Variants in MTA1 observed in about 807,000 individuals in gnomAD.
MTA1 encodes the protein metastasis associated 1, also known as metastasis-associated protein MTA1.
A neutral mutation model predicts 97.0 loss-of-function variants in MTA1; 15 were observed. The observed-to-expected ratio is 0.15, with a 90% CI of 0.10 to 0.24. The LOEUF (loss-of-function observed/expected upper bound fraction) is 0.24, where lower values mean the gene tolerates loss of function less well. Among genes scored for constraint, MTA1 ranks in the 10% least tolerant of loss-of-function variants. The pLI is 1.00. For synonymous variants in MTA1, 435 were observed against 417.5 expected (o/e 1.04, Z -0.51); for missense variants, 709 against 1,015.1 (o/e 0.70, Z 4.10).
At position 105,463,845 on chromosome 14, in the gene MTA1, A is replaced by C. The variant is rs911120636; in HGVS notation, c.1077-187A>C. On this transcript the variant is annotated intron_variant, in intron 12 of 20. Coordinates refer to ENST00000331320, the MANE Select transcript of MTA1 (RefSeq NM_004689.4). This position sits in a 1 kb window ranked among gnomAD's most constrained non-coding sequence, Gnocchi z 5.9. ...CTAGGGGGAGCACGGGGGCCTGGAG[A>C]ACGGCTCAGACCTCAGCAGTGGCTC... 34 of 666,506 alleles carry C rather than the reference A, an allele frequency of 5.1e-5. No homozygotes were observed. The Admixed American group carries it at 6.5e-4, about 13-fold the overall frequency. The allele number at this position is 666,506 out of a possible 1,614,324, so 41.3% of individuals were successfully genotyped here.
At chr14:105,427,961 T>A (rs184681428) in intron 1 of MTA1, among the ~76,000 whole-genome samples, 26 of 138,394 alleles carry the variant, frequency 1.9e-4, no homozygotes, top group African/African-American at 7.2e-4. Flanking sequence ...GAGGTTGCAG[T>A]GAGTGGAGAT....
chr14:105,462,001 G>A (rs2083365932), intron 10 of MTA1, among the ~76,000 whole-genome samples: 1 of 152,252 alleles, frequency 6.6e-6, no homozygotes, highest in Admixed American at 6.5e-5. Context: ...GGAATTTGAG[G>A]GAGACCCTGC....
Position 105,445,439 on chromosome 14 carries a change from G to T in MTA1, c.118G>T (p.Ala40Ser). 6.2e-7 allele frequency: 1 copy of T among 1,613,836 alleles called. No individual in the cohort carries two copies. Among genetic ancestry groups the T allele is most frequent in the Non-Finnish European group, 8.5e-7 (1 of 1,179,976 alleles). Residue 40 changes from alanine (A) to serine (S), a missense_variant, in exon 3 of 21, where the codon GCC (alanine) becomes TCC (serine). Transcript: ENST00000331320. The stretch of plus-strand genomic sequence containing the variant: ...ACAGACGGCCAATGGGAACGTGGAG[G>T]CCAAAGTGGTGTGCTTCTACCGGAG... ...LNKTANGNVE[A>S]KVVCFYRRRD...
At chr14:105,461,345 T>C (rs782760365) in intron 10 of MTA1, among the ~76,000 whole-genome samples, 2 of 152,236 alleles carry the variant, frequency 1.3e-5, no homozygotes, top group African/African-American at 4.8e-5. Flanking sequence ...TGACTCCTCA[T>C]GTCCTTGTTT....
intron 1 of MTA1, among the ~76,000 whole-genome samples, chr14:105,438,375 C>G (rs1478535495): frequency 6.6e-6 from 1 of 152,196 alleles, no homozygotes; most frequent in African/African-American, 2.4e-5. Flanking sequence ...GGCCTGAGCC[C>G]TTGGGGGCAG....
intron 3 of MTA1, among the ~76,000 whole-genome samples, chr14:105,447,487 G>A (rs1567022010): frequency 6.6e-6 from 1 of 152,198 alleles, no homozygotes; most frequent in African/African-American, 2.4e-5. Context: ...GCCTTTTGCT[G>A]GAAGAGCCCC....
rs998563605 is a variant in MTA1 at position 105,424,287 on chromosome 14, G to A, written c.28+4224G>A. ...TGGGCTCACTGCAAGTCCGCCTCCC[G>A]GGTTCACACCATTCTCCTGCCTCAG... On this transcript the variant is annotated intron_variant, in intron 1 of 20. Transcript: ENST00000331320. This position sits in a 1 kb window ranked among gnomAD's most constrained non-coding sequence, Gnocchi z 4.0. Among the ~76,000 whole-genome samples, 2 of 152,068 alleles carry A rather than the reference G, an allele frequency of 1.3e-5. No individual in the cohort carries two copies. Among genetic ancestry groups the A allele is most frequent in the African/African-American group, 4.8e-5 (2 of 41,462 alleles).
intron 1 of MTA1, among the ~76,000 whole-genome samples, chr14:105,426,776 C>T (rs373276365): frequency 3.7e-4 from 57 of 152,322 alleles, no homozygotes; most frequent in Non-Finnish European, 7.4e-4. Flanking sequence ...ATGGGCCGGG[C>T]GCGAGGCTTG....
chr14:105,433,182 G>A (rs141621283), intron 1 of MTA1, among the ~76,000 whole-genome samples: 6 of 152,290 alleles, frequency 3.9e-5, no homozygotes, highest in Admixed American at 1.3e-4. Flanking sequence ...GGCTTCCGGC[G>A]TCTCTCCCAG....
intron 8 of MTA1, among the ~76,000 whole-genome samples, chr14:105,458,829 G>A (rs587736799): frequency 6.6e-6 from 1 of 152,350 alleles, no homozygotes; most frequent in Non-Finnish European, 1.5e-5. Context: ...GCCCCAAGGC[G>A]GCTGCCAATC....
rs745536716 is a variant in MTA1 at position 105,466,137 on chromosome 14, T to C, written c.1625-289T>C. ...TGCTCACGGGCCTGTGTATGGATCC[T>C]GTTGTCCCGGGGCTGAGGGGCCTGG... On this transcript the variant is annotated intron_variant, in intron 16 of 20. Coordinates refer to ENST00000331320, the MANE Select transcript of MTA1 (RefSeq NM_004689.4). 3.2e-3 allele frequency: 1,622 copies of C among 499,156 alleles called. 6 individuals carry two copies. The highest frequency in any genetic ancestry group is 4.4e-3 in the Non-Finnish European group (1,227 of 276,106). The allele number at this position is 499,156 out of a possible 1,614,324, so 30.9% of individuals were successfully genotyped here. A position where few individuals can be genotyped will look rare whatever the true frequency, so the allele number is the denominator to read the frequency against.
chr14:105,451,318 A>G lies in MTA1; in HGVS notation c.432+994A>G, dbSNP rs587769355. ...CAGGCGTGAAGGGCGACAGTGGCTCAGCTAGGGCTGTGGTCGTGCCTTAGC... is the reference window on the plus strand; with the variant it reads ...CAGGCGTGAAGGGCGACAGTGGCTCGGCTAGGGCTGTGGTCGTGCCTTAGC... On this transcript the variant is annotated intron_variant, in intron 6 of 20. Transcript: ENST00000331320. Among the ~76,000 whole-genome samples, 584 of 152,346 alleles carry G rather than the reference A, an allele frequency of 3.8e-3. 4 individuals are homozygous for G. The highest frequency in any genetic ancestry group is 0.013 in the African/African-American group (552 of 41,582).
Position 105,466,428 on chromosome 14 carries a change from A to ACCCACCCCCCCCCCCCCCACC in MTA1, c.1636_1637insCCCCCCCCCACCCCCACCCCC (p.Pro545_Arg546insProProProHisProHisPro). 1 of 795,152 alleles carries ACCCACCCCCCCCCCCCCCACC rather than the reference A, an allele frequency of 1.3e-6. No homozygotes were observed. Among genetic ancestry groups the ACCCACCCCCCCCCCCCCCACC allele is most frequent in the East Asian group, 3.3e-5 (1 of 30,370 alleles). The allele number at this position is 795,152 out of a possible 1,614,324, so 49.3% of individuals were successfully genotyped here. A position where few individuals can be genotyped will look rare whatever the true frequency, so the allele number is the denominator to read the frequency against. ...TCTGCCTGTGTCATTCCCGGCAGAG[A>ACCCACCCCCCCCCCCCCCACC]CCCACCCCCGCCCCCCCAAGCCTGA... On this transcript the variant is annotated inframe_insertion, in exon 17 of 21. Transcript: ENST00000331320.
intron 18 of MTA1, among the ~76,000 whole-genome samples, chr14:105,468,751 G>A (rs939370272): frequency 1.3e-5 from 2 of 152,222 alleles, no homozygotes; most frequent in Non-Finnish European, 2.9e-5. Flanking sequence ...GCCATCCTGG[G>A]ACCAGCTCCC....
Position 105,470,293 on chromosome 14 carries a change from CCT to C in MTA1, c.*80_*81del, listed in dbSNP as rs2083787855. ...CTTCCCAGCCAGCCCGCCGCCCGCC[CCT>C]CAGTTTGGTAGTGCCCCACCTCCCG... On this transcript the variant is annotated 3_prime_UTR_variant, in exon 21 of 21. Coordinates refer to ENST00000331320, the MANE Select transcript of MTA1 (RefSeq NM_004689.4). The C allele has an allele frequency of 2.3e-6, 3 of 1,290,778 alleles. No individual in the cohort carries two copies. Among genetic ancestry groups the C allele is most frequent in the South Asian group, 1.7e-5 (1 of 58,866 alleles). The allele number at this position is 1,290,778 out of a possible 1,614,324, so 80.0% of individuals were successfully genotyped here.
At chr14:105,425,558 G>T (rs2081982343) in intron 1 of MTA1, among the ~76,000 whole-genome samples, 5 of 152,190 alleles carry the variant, frequency 3.3e-5, no homozygotes, top group Admixed American at 2.0e-4. Context: ...GGTTTGCAAG[G>T]CTGTGAACTA....
intron 1 of MTA1, among the ~76,000 whole-genome samples, chr14:105,421,334 G>A (rs1555420853): frequency 6.6e-6 from 1 of 152,106 alleles, no homozygotes; most frequent in Non-Finnish European, 1.5e-5. Context: ...CCTCGAGGGA[G>A]GGGCCTGTTC....
chr14:105,444,790 T>TAA (rs201104877), intron 2 of MTA1, among the ~76,000 whole-genome samples: 59 of 123,842 alleles, frequency 4.8e-4, no homozygotes, highest in African/African-American at 1.8e-3. Context: ...GACCCCATCT[T>TAA]AAAAAAAAAA....
rs139147086 is a variant in MTA1 at position 105,431,647 on chromosome 14, G to C, written c.29-7025G>C. 4.8e-4 allele frequency among the ~76,000 whole-genome samples: 73 copies of C among 152,210 alleles called. 1 individual carries two copies. In the East Asian group the frequency reaches 0.013, roughly 26 times the overall value. ...TTTATTTTTATTTTTACTTTTTGAG[G>C]TGGAGTCTCGCCCTGTTGCCCAGGC... On this transcript the variant is annotated intron_variant, in intron 1 of 20. Transcript: ENST00000331320.
Sources: allele counts gnomAD v4.1 joint callset (sites outside exome capture counted in the v4.1 genomes callset), GRCh38; gene constraint gnomAD v4.1.1; non-coding constraint Gnocchi (gnomAD v3.1); transcripts MANE v1.5; gene names NCBI Gene and HGNC (gene_info 2026-07-23, HGNC 2026-07-21).